Variants in TENM3 observed in about 807,000 individuals in gnomAD.
TENM3 encodes teneurin-3.
TENM3 carries 63 observed loss-of-function variants against 255.1 expected under a neutral mutation model. The observed-to-expected ratio is 0.25, with a 90% CI of 0.20 to 0.30. The LOEUF (loss-of-function observed/expected upper bound fraction) is 0.30, where lower values mean the gene tolerates loss of function less well. TENM3 is among the 10% of genes least tolerant of loss of function. The pLI is 1.00. For missense variants in TENM3, 2,929 were observed against 3,461.1 expected (o/e 0.85, Z 3.86); for synonymous variants, 1,306 against 1,322.3 (o/e 0.99, Z 0.27).
chr4:181,459,670 C>T, the TENM3 span, among the ~76,000 whole-genome samples: 1 of 151,890 alleles, frequency 6.6e-6, no homozygotes, highest in East Asian at 1.9e-4. Flanking sequence ...GACTCTATTC[C>T]GTGCCATTGA....
chr4:181,901,698 C>T, the TENM3 span, among the ~76,000 whole-genome samples: 2 of 152,096 alleles, frequency 1.3e-5, no homozygotes, highest in African/African-American at 2.4e-5. Context: ...TCCAGCTGCC[C>T]GCTAAATTTA....
chr4:182,028,130 A>G, the TENM3 span, among the ~76,000 whole-genome samples: 51 of 152,264 alleles, frequency 3.3e-4, no homozygotes, highest in Non-Finnish European at 6.5e-4. Flanking sequence ...ACTTTTTATC[A>G]CGGCTTTGAT....
chr4:182,360,150 C>G (rs577158553), intron 3 of TENM3, among the ~76,000 whole-genome samples: 29 of 141,580 alleles, frequency 2.0e-4, no homozygotes, highest in Non-Finnish European at 3.6e-4. Flanking sequence ...ACTATGTGGT[C>G]AATTTTGGAA....
At chr4:182,774,255 C>G (rs1441305138) in intron 23 of TENM3, among the ~76,000 whole-genome samples, 1 of 152,072 alleles carries the variant, frequency 6.6e-6, no homozygotes, top group Non-Finnish European at 1.5e-5. Context: ...CTGTATTCAA[C>G]TTTTTGACTC....
intron 3 of TENM3, among the ~76,000 whole-genome samples, chr4:182,426,035 C>T (rs1443468480): frequency 1.6e-5 from 2 of 123,598 alleles, no homozygotes; most frequent in South Asian, 2.4e-4. Context: ...AAAAAACACT[C>T]GAAGTAGAAA....
intron 6 of TENM3, among the ~76,000 whole-genome samples, chr4:182,660,060 A>G (rs745442678): frequency 2.0e-5 from 3 of 150,560 alleles, no homozygotes; most frequent in Non-Finnish European, 2.9e-5. Flanking sequence ...TGAATATTCA[A>G]TGCAAATATA....
intron 3 of TENM3, among the ~76,000 whole-genome samples, chr4:182,491,464 G>A (rs1735292371): frequency 6.6e-6 from 1 of 151,886 alleles, no homozygotes; most frequent in Non-Finnish European, 1.5e-5. Flanking sequence ...AAATGTTTTT[G>A]ATTAATTTAT....
chr4:181,537,639 C>A, the TENM3 span, among the ~76,000 whole-genome samples: 1 of 152,170 alleles, frequency 6.6e-6, no homozygotes, highest in African/African-American at 2.4e-5. Flanking sequence ...AACATACAAC[C>A]TCCAGGTGAT....
chr4:182,518,417 G>GCATTA (rs1286568443), intron 3 of TENM3, among the ~76,000 whole-genome samples: 1 of 152,034 alleles, frequency 6.6e-6, no homozygotes. Context: ...AGTTGACTCT[G>GCATTA]CATTCATCTA....
the TENM3 span, among the ~76,000 whole-genome samples, chr4:181,888,618 G>GTGTGTGTGTGTGTGTGTGTGGA: frequency 2.7e-5 from 3 of 111,796 alleles, no homozygotes; most frequent in African/African-American, 9.4e-5. Context: ...GTGTGTGTGT[G>GTGTGTGTGTGTGTGTGTGTGGA]GAAAGAGAGA....
intron 3 of TENM3, among the ~76,000 whole-genome samples, chr4:182,378,573 G>A (rs1237492748): frequency 3.9e-5 from 6 of 152,094 alleles, no homozygotes; most frequent in African/African-American, 1.2e-4. Flanking sequence ...GGAAAGCATC[G>A]CAAAGACCCC....
the TENM3 span, among the ~76,000 whole-genome samples, chr4:181,738,837 T>TA: frequency 1.3e-5 from 2 of 152,114 alleles, no homozygotes; most frequent in Middle Eastern, 3.2e-3. Context: ...ATAAATATTT[T>TA]AATCAATAAT....
chr4:182,562,871 A>G (rs1743351914), intron 3 of TENM3, among the ~76,000 whole-genome samples: 1 of 152,156 alleles, frequency 6.6e-6, no homozygotes, highest in South Asian at 2.1e-4. Flanking sequence ...AGGTGCTGGA[A>G]AAGTGAACTC....
chr4:181,496,856 A>G, the TENM3 span, among the ~76,000 whole-genome samples: 23 of 152,204 alleles, frequency 1.5e-4, no homozygotes, highest in Non-Finnish European at 2.9e-4. Flanking sequence ...TATTAATTGT[A>G]TCTGGATAAT....
At chr4:181,633,711 A>G in the TENM3 span, among the ~76,000 whole-genome samples, 1 of 152,278 alleles carries the variant, frequency 6.6e-6, no homozygotes, top group South Asian at 2.1e-4. Flanking sequence ...CACTACTAAT[A>G]TGTCCTTTTT....
At chr4:181,788,854 T>A in the TENM3 span, among the ~76,000 whole-genome samples, 1 of 152,190 alleles carries the variant, frequency 6.6e-6, no homozygotes, top group Non-Finnish European at 1.5e-5. Context: ...CGTCTCAGCT[T>A]TCCAAAGTGT....
the TENM3 span, among the ~76,000 whole-genome samples, chr4:181,663,747 G>A: frequency 1.3e-5 from 2 of 152,076 alleles, no homozygotes; most frequent in African/African-American, 4.8e-5. Flanking sequence ...ATACAAGAAT[G>A]GGCAACTTTT....
At chr4:182,639,242 C>T (rs1256275132) in intron 5 of TENM3, among the ~76,000 whole-genome samples, 6 of 152,150 alleles carry the variant, frequency 3.9e-5, no homozygotes, top group Non-Finnish European at 8.8e-5. Flanking sequence ...TATAGACTCT[C>T]AAAGCAGCCA....
chr4:182,549,346 A>C (rs1197435302), intron 3 of TENM3, among the ~76,000 whole-genome samples: 2 of 152,220 alleles, frequency 1.3e-5, no homozygotes, highest in African/African-American at 4.8e-5. Context: ...GTTCCTTTCC[A>C]TTAAAAGTTG....
Sources: allele counts gnomAD v4.1 joint callset (sites outside exome capture counted in the v4.1 genomes callset), GRCh38; gene constraint gnomAD v4.1.1; transcripts MANE v1.5; gene names NCBI Gene and HGNC (gene_info 2026-07-23, HGNC 2026-07-21).